Variants in ZHX1 observed in about 807,000 individuals in gnomAD.
The protein encoded by ZHX1 is zinc fingers and homeoboxes 1, also known as zinc fingers and homeoboxes protein 1.
ZHX1 carries 20 observed loss-of-function variants against 61.8 expected under a neutral mutation model. The observed-to-expected ratio is 0.32, with a 90% confidence interval of 0.23 to 0.47. The LOEUF is 0.47. Ranked by LOEUF, ZHX1 falls within the 20% of genes least tolerant of loss-of-function variation. The pLI is 1.00. For synonymous variants in ZHX1, 318 were observed against 352.6 expected (o/e 0.90, Z 1.10); for missense variants, 800 against 1,034.8 (o/e 0.77, Z 3.11).
At chr8:123,256,301 T>C in intron 2 of ZHX1, 130 bp from the exon 3 acceptor site, 1 of 166,686 alleles carries the variant, frequency 6.0e-6, no homozygotes, top group Admixed American at 6.4e-5. Flanking sequence ...AAGATAAGAA[T>C]CAGAAAAAAA....
At position 123,254,169 on chromosome 8, in the gene ZHX1, A is replaced by C. The variant is rs780739650; in HGVS notation, c.1778T>G (p.Leu593Arg). ...LQASFLNSSV[L>R]TDEELNRLRA... ...TAACCTATTTAATTCTTCATCTGTA[A>C]GTACAGAGCTGTTGAGAAAACTTGC... Residue 593 changes from leucine to arginine, a missense_variant, in exon 3 of 4, where the codon CTT (leucine) becomes CGT (arginine). Physicochemically the swap from Leu to Arg is moderately radical, Grantham distance 102. Transcript: ENST00000395571. This position sits in a 1 kb window ranked among gnomAD's most constrained non-coding sequence, Gnocchi z 4.1. The C allele has an allele frequency of 5.9e-5, 96 of 1,613,998 alleles. No individual in the cohort carries two copies. Among genetic ancestry groups the C allele is most frequent in the Non-Finnish European group, 7.6e-5 (90 of 1,180,022 alleles).
At chr8:123,273,557 G>A (rs1191546987) in intron 1 of ZHX1, among the ~76,000 whole-genome samples, 1 of 152,174 alleles carries the variant, frequency 6.6e-6, no homozygotes, top group Non-Finnish European at 1.5e-5. Flanking sequence ...CCAAAGTTGG[G>A]ACATGGCCTG....
intron 2 of ZHX1, among the ~76,000 whole-genome samples, chr8:123,265,124 G>A (rs1826414500): frequency 1.3e-5 from 2 of 151,030 alleles, no homozygotes; most frequent in Admixed American, 6.6e-5. Flanking sequence ...GGGAGAAGAA[G>A]GTTGCAGTAA....
At position 123,253,974 on chromosome 8, in the gene ZHX1, G is replaced by A. The variant is rs1825990300; in HGVS notation, c.1973C>T (p.Ser658Leu). 1 of 1,614,140 alleles carries A rather than the reference G, an allele frequency of 6.2e-7. No individual in the cohort carries two copies. Among genetic ancestry groups the A allele is most frequent in the Non-Finnish European group, 8.5e-7 (1 of 1,180,022 alleles). The stretch of plus-strand genomic sequence containing the variant: ...TTTACATATCTTGCCTGTACTCCCT[G>A]ACTTAGGTGCACCAGATTCATCTGC... ...SPADESGAPK[S>L]GSTGKICKKT... The change falls in exon 3 of 4, where the codon TCA becomes TTA. Residue 658 changes from serine to leucine, a missense_variant. Coordinates refer to ENST00000395571, the MANE Select transcript of ZHX1 (RefSeq NM_007222.5).
chr8:123,265,437 T>C (rs922005817), intron 2 of ZHX1, among the ~76,000 whole-genome samples: 4 of 152,072 alleles, frequency 2.6e-5, no homozygotes, highest in Non-Finnish European at 4.4e-5. Flanking sequence ...TGTATTCAAC[T>C]AGAAGTTACA....
At chr8:123,262,298 C>T (rs1347159448) in intron 2 of ZHX1, among the ~76,000 whole-genome samples, 1 of 152,034 alleles carries the variant, frequency 6.6e-6, no homozygotes, top group Admixed American at 6.6e-5. Flanking sequence ...AATTGATAAT[C>T]TTAAGAGTAA....
chr8:123,256,026 C>G lies in ZHX1; in HGVS notation c.-80G>C. 1 of 1,382,978 alleles carries G rather than the reference C, an allele frequency of 7.2e-7. No homozygotes were observed. Among genetic ancestry groups the G allele is most frequent in the Non-Finnish European group, 9.7e-7 (1 of 1,028,904 alleles). The allele number at this position is 1,382,978 out of a possible 1,614,324, so 85.7% of individuals were successfully genotyped here. ...CTGTTCAGTGTTCTTCATTTGAAAA[C>G]AATGGCTTTTGGTTCTTCAAGTCCA... On this transcript the variant is annotated 5_prime_UTR_variant, in exon 3 of 4. Transcript: ENST00000395571.
At chr8:123,261,521 C>T (rs933016858) in intron 2 of ZHX1, among the ~76,000 whole-genome samples, 5 of 152,158 alleles carry the variant, frequency 3.3e-5, no homozygotes, top group Non-Finnish European at 7.3e-5. Flanking sequence ...CAGGCAGTCT[C>T]TGGTTTTTCA....
At chr8:123,271,245 T>A (rs1826643758) in intron 1 of ZHX1, among the ~76,000 whole-genome samples, 1 of 152,174 alleles carries the variant, frequency 6.6e-6, no homozygotes, top group African/African-American at 2.4e-5. Flanking sequence ...CTTTTGAAAC[T>A]ACGTAGGATT....
In ZHX1 at chr8:123,253,520, CAT is replaced by C; in HGVS notation, c.2425_2426del (p.Met809GlyfsTer3). The stretch of plus-strand genomic sequence containing the variant: ...ACCACTCTCTGACCTGCTCATAGCC[CAT>C]ATGTGATTTGTTAACAAGTTCATCA... ...DLDELVNKSH[M>X]GYEQVREWFA... On this transcript the variant is annotated frameshift_variant, in exon 3 of 4. Transcript: ENST00000395571. LOFTEE classifies it high-confidence loss of function. The C allele has an allele frequency of 6.2e-7, 1 of 1,614,164 alleles. No homozygotes were observed. Among genetic ancestry groups the C allele is most frequent in the Non-Finnish European group, 8.5e-7 (1 of 1,180,032 alleles).
At position 123,267,275 on chromosome 8, in the gene ZHX1, G is replaced by A; in HGVS notation, c.-228C>T. The A allele has an allele frequency of 6.5e-7, 1 of 1,531,766 alleles. No individual in the cohort carries two copies. Among genetic ancestry groups the A allele is most frequent in the South Asian group, 1.2e-5 (1 of 83,544 alleles). 94.9% of individuals were successfully genotyped at this position (1,531,766 alleles called of 1,614,324 possible). A position where few individuals can be genotyped will look rare whatever the true frequency, so the allele number is the denominator to read the frequency against. The stretch of plus-strand genomic sequence containing the variant: ...TACCAAAACAATGAAACACATACTT[G>A]CCACAGCTTCCTTAGCATTCTGTTC... On this transcript the variant is annotated splice_region_variant and 5_prime_UTR_variant, in exon 2 of 4. An upstream open reading frame in the 5' UTR gains an earlier in-frame stop. Transcript: ENST00000395571.
upstream of ZHX1, among the ~76,000 whole-genome samples, chr8:123,275,013 C>T (rs568707139): frequency 2.0e-5 from 3 of 152,316 alleles, no homozygotes; most frequent in East Asian, 5.8e-4. Flanking sequence ...GGACCCCGCT[C>T]CTCCGCGGGC....
rs571403456 is a variant in ZHX1, at chr8:123,254,435, C to A, written c.1512G>T (p.Thr504=). ...IIRLMKITGL[T]KGEIKKWFSD... is the part of the protein sequence containing the mutation. ...TAAACCATTTTTTAATCTCTCCTTT[C>A]GTCAGGCCTGTTATTTTCATAAGTC... Residue 504 remains threonine, a synonymous_variant, in exon 3 of 4, where the codon ACG becomes ACT. Transcript: ENST00000395571. This position sits in a 1 kb window ranked among gnomAD's most constrained non-coding sequence, Gnocchi z 4.1. The A allele has an allele frequency of 6.2e-7, 1 of 1,614,042 alleles. No homozygotes were observed. Among genetic ancestry groups the A allele is most frequent in the Non-Finnish European group, 8.5e-7 (1 of 1,180,014 alleles).
Position 123,267,377 on chromosome 8 carries a change from C to T in ZHX1, c.-330G>A. ...TTACCAACAGGTCCAAAGCAGCAGT[C>T]TGTCTTCTCCTACAAAAAAGTCATA... On this transcript the variant is annotated 5_prime_UTR_variant, in exon 2 of 4. Transcript: ENST00000395571. 9.6e-7 allele frequency: 1 copy of T among 1,044,662 alleles called. No individual in the cohort carries two copies. The allele number at this position is 1,044,662 out of a possible 1,614,324, so 64.7% of individuals were successfully genotyped here.
chr8:123,272,287 T>C (rs975079278), intron 1 of ZHX1, among the ~76,000 whole-genome samples: 9 of 152,222 alleles, frequency 5.9e-5, no homozygotes, highest in Admixed American at 2.6e-4. Context: ...AAAAGATTCA[T>C]TGATAACTGA....
chr8:123,250,648 A>T (rs963033978), intron 3 of ZHX1, among the ~76,000 whole-genome samples: 4 of 152,210 alleles, frequency 2.6e-5, no homozygotes, highest in Non-Finnish European at 4.4e-5. Flanking sequence ...ATTTCTATAC[A>T]AGGTGCAAAA....
chr8:123,260,389 G>A (rs1586827462), intron 2 of ZHX1, among the ~76,000 whole-genome samples: 1 of 151,642 alleles, frequency 6.6e-6, no homozygotes, highest in Non-Finnish European at 1.5e-5. Flanking sequence ...ACTTGAGGTC[G>A]GGAGTTTGAG....
In ZHX1 at chr8:123,255,773, T is replaced by C. The variant is rs767231926; in HGVS notation, c.174A>G (p.Ser58=). ...SDEEVHESVD[S]DNQQNKKVEG... is the part of the protein sequence containing the mutation. ...CAACTTTTTTATTTTGCTGATTGTC[T>C]GAATCCACAGATTCATGAACCTCTT... Residue 58 remains serine, a synonymous_variant, in exon 3 of 4, where the codon TCA becomes TCG. Coordinates refer to ENST00000395571, the MANE Select transcript of ZHX1 (RefSeq NM_007222.5). The C allele has an allele frequency of 1.2e-6, 2 of 1,614,132 alleles. No homozygotes were observed. Among genetic ancestry groups the C allele is most frequent in the Non-Finnish European group, 1.7e-6 (2 of 1,180,036 alleles).
intron 1 of ZHX1, among the ~76,000 whole-genome samples, chr8:123,272,584 T>C (rs761523316): frequency 5.9e-5 from 9 of 152,246 alleles, no homozygotes; most frequent in Admixed American, 2.0e-4. Context: ...CCTGCTCACC[T>C]TCGCTCCCGA....
Sources: allele counts gnomAD v4.1 joint callset (sites outside exome capture counted in the v4.1 genomes callset), GRCh38; gene constraint gnomAD v4.1.1; non-coding constraint Gnocchi (gnomAD v3.1); transcripts MANE v1.5; gene names NCBI Gene and HGNC (gene_info 2026-07-23, HGNC 2026-07-21).